Variants in DNAH9 observed in about 807,000 individuals in gnomAD.
The protein encoded by DNAH9 is DNAH9 variant protein.
DNAH9 carries 345 observed loss-of-function variants against 471.6 expected under a neutral mutation model. That is an observed-to-expected ratio of 0.73 (90% CI 0.67 to 0.80). The LOEUF is 0.80. Ranked by LOEUF, DNAH9 falls within the 30% of genes least tolerant of loss-of-function variation. The pLI is 0.00. For missense variants in DNAH9, 5,407 were observed against 5,609.2 expected (o/e 0.96, Z 1.15); for synonymous variants, 2,093 against 2,123.6 (o/e 0.99, Z 0.40).
chr17:11,754,620 A>G (rs1967298038), intron 33 of DNAH9, among the ~76,000 whole-genome samples: 1 of 152,168 alleles, frequency 6.6e-6, no homozygotes, highest in Admixed American at 6.6e-5. Context: ...GGCCACAAAA[A>G]TTGTCATCTT....
At position 11,937,990 on chromosome 17, in the gene DNAH9, G is replaced by A. The variant is rs1055960627; in HGVS notation, c.12660+468G>A. ...CATAATGCAAACGCCTTCCCTTCGTGTGAATGGCTTCTAGTCCGAGAGTCT... is the reference window on the plus strand; with the variant it reads ...CATAATGCAAACGCCTTCCCTTCGTATGAATGGCTTCTAGTCCGAGAGTCT... On this transcript the variant is annotated intron_variant, in intron 66 of 68. Coordinates refer to ENST00000262442, the MANE Select transcript of DNAH9 (RefSeq NM_001372.4). The surrounding 1 kb of genome is among the most constrained non-coding windows in gnomAD (Gnocchi z 4.1). Among the ~76,000 whole-genome samples, 2 of 152,192 alleles carry A rather than the reference G, an allele frequency of 1.3e-5. No individual in the cohort carries two copies. The highest frequency in any genetic ancestry group is 1.3e-4 in the Admixed American group (2 of 15,282).
chr17:11,768,131 G>A lies in DNAH9; in HGVS notation c.7171-322G>A, dbSNP rs118008687. 7.6e-4 allele frequency among the ~76,000 whole-genome samples: 115 copies of A among 152,276 alleles called. No homozygotes were observed. The East Asian group carries it at 0.014, about 18-fold the overall frequency. On this transcript the variant is annotated intron_variant, in intron 36 of 68. Coordinates refer to ENST00000262442, the MANE Select transcript of DNAH9 (RefSeq NM_001372.4). ...ATGGGGCCAATCTACCTCTTCAGGA[G>A]TTCTTGATTCTCCCCCGTGTTCTTC... is the stretch of plus-strand genomic sequence containing the variant.
intron 38 of DNAH9, among the ~76,000 whole-genome samples, chr17:11,775,452 T>C (rs1968380705): frequency 6.6e-6 from 1 of 152,082 alleles, no homozygotes; most frequent in South Asian, 2.1e-4. Context: ...ACAGAAATAA[T>C]GTTTTGGGAA....
At chr17:11,690,780 A>G (rs2074321937) in intron 20 of DNAH9, among the ~76,000 whole-genome samples, 1 of 152,188 alleles carries the variant, frequency 6.6e-6, no homozygotes, top group South Asian at 2.1e-4. Flanking sequence ...TTGGATCGTT[A>G]AAATTCAAGT....
Position 11,727,852 on chromosome 17 carries a change from C to G in DNAH9, c.5744C>G (p.Thr1915Ser). The G allele has an allele frequency of 6.2e-7, 1 of 1,614,102 alleles. No homozygotes were observed. The highest frequency in any genetic ancestry group is 8.5e-7 in the Non-Finnish European group (1 of 1,179,958). ...CGNIYKGLAQ[T>S]GAWGCFDEFN... ...AACATCTACAAAGGCCTTGCTCAGA[C>G]TGGTGCCTGGGGCTGCTTTGATGAG... Residue 1915 changes from threonine (T) to serine (S), a missense_variant, in exon 28 of 69, where the codon ACT becomes AGT. Thr to Ser is a moderately conservative substitution (Grantham distance 58, BLOSUM62 1). This residue lies in a region of DNAH9 where 4,636 missense variants were observed against 4,900.3 expected (regional missense o/e 0.95). Transcript: ENST00000262442.
intron 49 of DNAH9, 131 bp downstream of exon 49, chr17:11,835,029 G>T: frequency 1.6e-6 from 2 of 1,231,980 alleles, no homozygotes; most frequent in South Asian, 1.6e-5. Context: ...TCACTGATTT[G>T]CTCATTAAGC....
Position 11,652,837 on chromosome 17 carries a change from T to C in DNAH9, c.2430T>C (p.Asn810=), listed in dbSNP as rs1414090730. The C allele has an allele frequency of 1.2e-6, 2 of 1,613,918 alleles. No individual in the cohort carries two copies. The highest frequency in any genetic ancestry group is 1.7e-6 in the Non-Finnish European group (2 of 1,179,844). The stretch of plus-strand genomic sequence containing the variant: ...AAAGAATTCAGAAAACTAAAGACAA[T>C]GTGGAAGAGATCCAAAACATCATGA... The part of the protein sequence containing the change: ...LEQRIQKTKD[N]VEEIQNIMKT... The change falls in exon 14 of 69, where the codon AAT becomes AAC. Residue 810 remains asparagine, a synonymous_variant. Transcript: ENST00000262442.
rs1221378745 is a variant in DNAH9, at chr17:11,930,071, A to T, written c.12083A>T (p.Lys4028Met). The change falls in exon 63 of 69, where the codon AAG becomes ATG. Residue 4028 changes from lysine (K) to methionine (M), a missense_variant. By Grantham distance (95) the Lys-to-Met change is moderately conservative. Around this residue, in one of 3 missense-constraint regions of DNAH9, gnomAD observed 4,636 missense variants for 4,900.3 expected, o/e 0.95. Coordinates refer to ENST00000262442, the MANE Select transcript of DNAH9 (RefSeq NM_001372.4). ...PPTGMHANLH[K>M]ALDNFTQDTL... is the part of the protein sequence containing the mutation. ...ACGGGCATGCATGCCAACCTGCACA[A>T]GGCCCTGGACAACTTCACTCAGGTA... is the stretch of plus-strand genomic sequence containing the variant. The T allele has an allele frequency of 6.2e-7, 1 of 1,614,002 alleles. No homozygotes were observed. Among genetic ancestry groups the T allele is most frequent in the Non-Finnish European group, 8.5e-7 (1 of 1,179,996 alleles).
In DNAH9 at chr17:11,867,102, G is replaced by A. The variant is rs576980315; in HGVS notation, c.9934-2032G>A. On this transcript the variant is annotated intron_variant, in intron 50 of 68. Transcript: ENST00000262442. ...TCAGATGGAAATGCAGAAATCACCC[G>A]TCTTCTGCGTCGCTAACGCTGGGAG... Among the ~76,000 whole-genome samples, 211 of 152,312 alleles carry A rather than the reference G, an allele frequency of 1.4e-3. 1 individual carries two copies. Among genetic ancestry groups the A allele is most frequent in the Admixed American group, 3.5e-3 (53 of 15,308 alleles).
At chr17:11,762,784 T>TTTG (rs1967757832) in intron 35 of DNAH9, among the ~76,000 whole-genome samples, 3 of 135,180 alleles carry the variant, frequency 2.2e-5, no homozygotes, top group African/African-American at 7.9e-5. Flanking sequence ...TTTTTTTTTT[T>TTTG]TTTTTTTTTT....
chr17:11,669,651 A>AGAGGTGTGCAGGCTGGAACCCATC lies in DNAH9; in HGVS notation c.3211_3234dup (p.Glu1071_Ile1078dup). ...TCGACTCCTATGAAACGCTCTATGAAGAGGTGTGCAGGCTGGAACCCATCA... is the reference window on the plus strand; with the variant it reads ...TCGACTCCTATGAAACGCTCTATGAAGAGGTGTGCAGGCTGGAACCCATCGAGGTGTGCAGGCTGGAACCCATCA... On this transcript the variant is annotated inframe_insertion, in exon 17 of 69. Transcript: ENST00000262442. 1.2e-6 allele frequency: 2 copies of AGAGGTGTGCAGGCTGGAACCCATC among 1,614,220 alleles called. No homozygotes were observed. Among genetic ancestry groups the AGAGGTGTGCAGGCTGGAACCCATC allele is most frequent in the Non-Finnish European group, 8.5e-7 (1 of 1,180,036 alleles).
chr17:11,827,375 C>A (rs1970534012), intron 48 of DNAH9, among the ~76,000 whole-genome samples: 2 of 152,122 alleles, frequency 1.3e-5, no homozygotes, highest in Admixed American at 6.5e-5. Flanking sequence ...CCTCAGGGAG[C>A]TTTTACTGAT....
At chr17:11,919,502 AAAG>A (rs1395876476) in intron 61 of DNAH9, among the ~76,000 whole-genome samples, 2 of 148,694 alleles carry the variant, frequency 1.3e-5, no homozygotes, top group Non-Finnish European at 3.0e-5. Flanking sequence ...CTCAAAAAAA[AAAG>A]AAAAAAAAAA....
chr17:11,892,082 AG>A lies in DNAH9; in HGVS notation c.11283+136del. On this transcript the variant is annotated intron_variant, in intron 58 of 68. Coordinates refer to ENST00000262442, the MANE Select transcript of DNAH9 (RefSeq NM_001372.4). This position sits in a 1 kb window ranked among gnomAD's most constrained non-coding sequence, Gnocchi z 4.3. The stretch of plus-strand genomic sequence containing the variant: ...CTATCTGTCTTTGGATAGAGGCATC[AG>A]ACAAGAAGGTCCAATGTGGTGTGTG... 9.4e-7 allele frequency: 1 copy of A among 1,064,208 alleles called. No homozygotes were observed. The highest frequency in any genetic ancestry group is 1.4e-6 in the Non-Finnish European group (1 of 731,396). The allele number at this position is 1,064,208 out of a possible 1,614,324, so 65.9% of individuals were successfully genotyped here. A position where few individuals can be genotyped will look rare whatever the true frequency, so the allele number is the denominator to read the frequency against.
rs1366367294 is a variant in DNAH9 at position 11,598,766 on chromosome 17, G to A, written c.268G>A (p.Gly90Arg). Residue 90 changes from glycine to arginine, a missense_variant, in exon 1 of 69, where the codon GGA becomes AGA. Coordinates refer to ENST00000262442, the MANE Select transcript of DNAH9 (RefSeq NM_001372.4). ...GLAIRPGLEVGPESGLAGAKA... is the reference protein window; with the variant it reads ...GLAIRPGLEVRPESGLAGAKA... ...GGCAATACGCCCCGGGCTGGAGGTG[G>A]GACCTGAGTCGGGCCTGGCTGGCGC... 13 of 1,450,502 alleles carry A rather than the reference G, an allele frequency of 9.0e-6. No homozygotes were observed. The highest frequency in any genetic ancestry group is 1.5e-5 in the African/African-American group (1 of 67,036). 89.9% of individuals were successfully genotyped at this position (1,450,502 alleles called of 1,614,324 possible). A position where few individuals can be genotyped will look rare whatever the true frequency, so the allele number is the denominator to read the frequency against.
chr17:11,776,348 G>T (rs1431257046), intron 38 of DNAH9, among the ~76,000 whole-genome samples: 4 of 140,074 alleles, frequency 2.9e-5, no homozygotes, highest in Non-Finnish European at 6.1e-5. Context: ...CATCACATCT[G>T]CATTCAAAAA....
chr17:11,964,718 A>G (rs895179594), intron 68 of DNAH9, among the ~76,000 whole-genome samples: 4 of 152,162 alleles, frequency 2.6e-5, no homozygotes, highest in African/African-American at 9.7e-5. Context: ...TAACTTGTCT[A>G]TTCCCATCTC....
chr17:11,842,275 G>A (rs1003724336), intron 49 of DNAH9, among the ~76,000 whole-genome samples: 3 of 152,120 alleles, frequency 2.0e-5, no homozygotes, highest in African/African-American at 7.2e-5. Context: ...GACTTTAGCA[G>A]TTTATTCAAA....
intron 32 of DNAH9, among the ~76,000 whole-genome samples, chr17:11,748,464 AT>A (rs1406529468): frequency 2.0e-5 from 3 of 152,170 alleles, no homozygotes; most frequent in South Asian, 4.1e-4. Flanking sequence ...CCCACGGCTC[AT>A]TCCCAAAGAA....
Sources: allele counts gnomAD v4.1 joint callset (sites outside exome capture counted in the v4.1 genomes callset), GRCh38; gene constraint gnomAD v4.1.1; regional missense constraint gnomAD v4.1.1; non-coding constraint Gnocchi (gnomAD v3.1); transcripts MANE v1.5; gene names NCBI Gene and HGNC (gene_info 2026-07-23, HGNC 2026-07-21).